The following SVEP1 variants were observed in gnomAD, a reference collection of about 807,000 sequenced individuals.
SVEP1 encodes sushi, von Willebrand factor type A, EGF and pentraxin domain-containing protein 1.
A neutral mutation model predicts 367.3 loss-of-function variants in SVEP1; 164 were observed. The observed-to-expected ratio is 0.45, with a 90% CI of 0.39 to 0.51. The LOEUF is 0.51. Among genes scored for constraint, SVEP1 ranks in the 20% least tolerant of loss-of-function variants. SVEP1 has a pLI of 0.00. For synonymous variants in SVEP1, 1,666 were observed against 1,611.6 expected (o/e 1.03, Z -0.81); for missense variants, 4,117 against 4,425.3 (o/e 0.93, Z 1.98).
chr9:110,365,725 C>G lies in SVEP1; in HGVS notation c.*814G>C, dbSNP rs1005449470. On this transcript the variant is annotated 3_prime_UTR_variant, in exon 48 of 48. Coordinates refer to ENST00000374469, the MANE Select transcript of SVEP1 (RefSeq NM_153366.4). ...TTTTCCTTCTCTTTCCCTGTCTTCC[C>G]CTTCCTCCCAAAATAGTGAGTTGTG... is the stretch of plus-strand genomic sequence containing the variant. The G allele has an allele frequency of 6.6e-6, 1 of 152,202 alleles. No individual in the cohort carries two copies. The highest frequency in any genetic ancestry group is 2.4e-5 in the African/African-American group (1 of 41,420). The allele number at this position is 152,202 out of a possible 1,614,324, so 9.4% of individuals were successfully genotyped here. A position where few individuals can be genotyped will look rare whatever the true frequency, so the allele number is the denominator to read the frequency against.
chr9:110,478,116 G>A (rs1334580151), intron 13 of SVEP1, among the ~76,000 whole-genome samples: 1 of 151,918 alleles, frequency 6.6e-6, no homozygotes, highest in Non-Finnish European at 1.5e-5. Flanking sequence ...CCTGCCTCAG[G>A]GACTTTGCAC....
At chr9:110,376,779 A>G (rs1827356652) in intron 45 of SVEP1, 1 of 152,288 alleles carries the variant, frequency 6.6e-6, no homozygotes, top group Non-Finnish European at 1.5e-5. Flanking sequence ...TCAAAATTCT[A>G]TATTAATTTA....
rs369245131 is a variant in SVEP1, at chr9:110,427,349, A to T, written c.5975+242T>A. Among the ~76,000 whole-genome samples the T allele has an allele frequency of 1.5e-4, 22 of 150,718 alleles. No homozygotes were observed. The East Asian group carries it at 4.1e-3, about 28-fold the overall frequency. ...AAGTATAATATGAAGATATTTTTTC[A>T]CTGCATTGCCCAATGTCCATTATTG... On this transcript the variant is annotated intron_variant, in intron 36 of 47. Coordinates refer to ENST00000374469, the MANE Select transcript of SVEP1 (RefSeq NM_153366.4).
At chr9:110,552,813 G>A (rs1287248386) in intron 1 of SVEP1, among the ~76,000 whole-genome samples, 1 of 152,196 alleles carries the variant, frequency 6.6e-6, no homozygotes, top group Non-Finnish European at 1.5e-5. Context: ...GCCCCCTGCA[G>A]TAGAGTAAAA....
intron 3 of SVEP1, among the ~76,000 whole-genome samples, chr9:110,537,963 G>A (rs1830099165): frequency 6.6e-6 from 1 of 151,758 alleles, no homozygotes; most frequent in Admixed American, 6.6e-5. Flanking sequence ...TTATAATGGG[G>A]CTAGGGAAAG....
intron 3 of SVEP1, among the ~76,000 whole-genome samples, chr9:110,531,791 A>T (rs193051541): frequency 2.0e-5 from 3 of 152,324 alleles, no homozygotes; most frequent in East Asian, 3.9e-4. Flanking sequence ...CTGTTGCATG[A>T]ATTAAAACAC....
rs150545784 is a variant in SVEP1 at position 110,489,767 on chromosome 9, C to T, written c.1813G>A (p.Val605Ile). Residue 605 changes from valine (V) to isoleucine (I), a missense_variant, in exon 9 of 48, where the codon GTT becomes ATT. This residue lies in a region of SVEP1 where 2,174 missense variants were observed against 2,494.3 expected (regional missense o/e 0.87). Coordinates refer to ENST00000374469, the MANE Select transcript of SVEP1 (RefSeq NM_153366.4). ...TAAGGTGGGGTGAAAGCTGGATGAA[C>T]GTGGACTGACACCTATTGGAGATAC... The part of the protein sequence containing the change: ...DNSGEKVSVH[V>I]HPAFTPPYLF... 1.5e-4 allele frequency: 236 copies of T among 1,612,582 alleles called. No individual in the cohort carries two copies. Among genetic ancestry groups the T allele is most frequent in the Non-Finnish European group, 1.9e-4 (227 of 1,179,138 alleles).
chr9:110,380,392 G>A (rs1043354776), intron 43 of SVEP1, among the ~76,000 whole-genome samples: 23 of 152,112 alleles, frequency 1.5e-4, no homozygotes, highest in Non-Finnish European at 1.5e-4. Flanking sequence ...CTTGTTAGAG[G>A]AGATAATAAA....
In SVEP1 at chr9:110,406,541, G is replaced by A. The variant is rs1827957060; in HGVS notation, c.9059C>T (p.Thr3020Ile). ...PVIEYGTVNG[T>I]DFDCGKAARI... ...GGCTGCCTTTCCACAGTCAAAATCT[G>A]TCCCATTGACAGTTCCATATTCAAT... The change falls in exon 38 of 48, where the codon ACA becomes ATA. Residue 3020 changes from threonine to isoleucine, a missense_variant. Transcript: ENST00000374469. 1.2e-6 allele frequency: 2 copies of A among 1,613,656 alleles called. No homozygotes were observed. Among genetic ancestry groups the A allele is most frequent in the African/African-American group, 1.3e-5 (1 of 75,044 alleles).
chr9:110,578,374 TTTC>T (rs1188940308), intron 1 of SVEP1, among the ~76,000 whole-genome samples: 1 of 151,816 alleles, frequency 6.6e-6, no homozygotes, highest in Admixed American at 6.6e-5. Context: ...AGGGTTTTTT[TTTC>T]CTCTCCCTAC....
intron 3 of SVEP1, among the ~76,000 whole-genome samples, chr9:110,528,158 A>G (rs61062975): frequency 0.022 from 625 of 28,392 alleles, 8 homozygotes; most frequent in East Asian, 0.11. Context: ...GTGTGTGTGT[A>G]TATATATATA....
intron 43 of SVEP1, among the ~76,000 whole-genome samples, chr9:110,383,612 C>T (rs1052469054): frequency 3.3e-5 from 5 of 152,142 alleles, no homozygotes; most frequent in Admixed American, 1.3e-4. Context: ...CTTAACAAAG[C>T]GCTCTAGCTG....
At chr9:110,474,338 A>G (rs1343297167) in intron 14 of SVEP1, among the ~76,000 whole-genome samples, 1 of 152,158 alleles carries the variant, frequency 6.6e-6, no homozygotes, top group East Asian at 1.9e-4. Flanking sequence ...TATGAAGTCA[A>G]CTTGATTTTA....
At chr9:110,391,968 C>G (rs933573841) in intron 40 of SVEP1, among the ~76,000 whole-genome samples, 2 of 151,668 alleles carry the variant, frequency 1.3e-5, no homozygotes, top group African/African-American at 4.9e-5. Context: ...TGAGTTGGGA[C>G]TCATCTCCTC....
chr9:110,400,904 T>C lies in SVEP1; in HGVS notation c.9772A>G (p.Thr3258Ala). The part of the protein sequence containing the change: ...EHGFVVGSKY[T>A]FESTIIYQCE... ...TGATAAATAATTGTGCTTTCAAAGG[T>C]GTATTTACTGCCAACCACAAATCCA... The change falls in exon 40 of 48, where the codon ACC (threonine) becomes GCC (alanine). Residue 3258 changes from threonine (T) to alanine (A), a missense_variant. By Grantham distance (58) the Thr-to-Ala change is moderately conservative. Coordinates refer to ENST00000374469, the MANE Select transcript of SVEP1 (RefSeq NM_153366.4). 6.2e-7 allele frequency: 1 copy of C among 1,613,890 alleles called. No homozygotes were observed. Among genetic ancestry groups the C allele is most frequent in the Non-Finnish European group, 8.5e-7 (1 of 1,179,850 alleles).
At chr9:110,498,123 G>A (rs925283831) in intron 7 of SVEP1, among the ~76,000 whole-genome samples, 2 of 152,176 alleles carry the variant, frequency 1.3e-5, no homozygotes, top group Admixed American at 1.3e-4. Context: ...AATAGGTAAC[G>A]TGAGTCTAAT....
chr9:110,523,894 T>A, intron 3 of SVEP1, among the ~76,000 whole-genome samples: 1 of 151,274 alleles, frequency 6.6e-6, no homozygotes, highest in Non-Finnish European at 1.5e-5. Flanking sequence ...AAAGAAAATA[T>A]AGAATAAAGA....
chr9:110,372,330 A>G (rs1489807231), intron 46 of SVEP1, among the ~76,000 whole-genome samples: 1 of 152,144 alleles, frequency 6.6e-6, no homozygotes, highest in African/African-American at 2.4e-5. Context: ...GCCATTCCAC[A>G]TCCCTTCCCC....
In SVEP1 at chr9:110,450,083, C is replaced by G. The variant is rs1465306189; in HGVS notation, c.4079G>C (p.Cys1360Ser). 6.2e-7 allele frequency: 1 copy of G among 1,613,804 alleles called. No individual in the cohort carries two copies. Among genetic ancestry groups the G allele is most frequent in the Non-Finnish European group, 8.5e-7 (1 of 1,179,814 alleles). Residue 1360 changes from cysteine to serine, a missense_variant, in exon 24 of 48, where the codon TGT (cysteine) becomes TCT (serine). Physicochemically the swap from Cys to Ser is moderately radical, Grantham distance 112. This residue lies in a region of SVEP1 where 2,174 missense variants were observed against 2,494.3 expected (regional missense o/e 0.87). Coordinates refer to ENST00000374469, the MANE Select transcript of SVEP1 (RefSeq NM_153366.4). ...LSQPCKNGATCKDGANSFRCL... is the reference protein window; with the variant it reads ...LSQPCKNGATSKDGANSFRCL... Reference sequence around the variant, plus strand: ...CCTGAAGCTATTGGCACCGTCTTTACAGGTAGCTCCATTTTTGCATGGCTG... The same window carrying G: ...CCTGAAGCTATTGGCACCGTCTTTAGAGGTAGCTCCATTTTTGCATGGCTG...
Sources: gnomAD v4.1 joint callset for allele counts (sites outside exome capture counted in the v4.1 genomes callset) on GRCh38, gnomAD v4.1.1 for gene constraint, gnomAD v4.1.1 regional missense constraint, MANE v1.5 for transcripts, NCBI Gene and HGNC (gene_info 2026-07-23, HGNC 2026-07-21) for gene names.